SHROOM3: variants seen among roughly 807,000 people sequenced by gnomAD.
SHROOM3 encodes the protein shroom family member 3, also known as protein Shroom3.
A neutral mutation model predicts 138.6 loss-of-function variants in SHROOM3; 47 were observed. The observed-to-expected ratio is 0.34, with a 90% CI of 0.27 to 0.43. The LOEUF is 0.43. SHROOM3 is among the 20% of genes least tolerant of loss of function. The pLI is 1.00. For synonymous variants in SHROOM3, 1,062 were observed against 1,063.3 expected, an observed-to-expected ratio of 1.00 and a Z score of 0.02; for missense variants, 2,491 against 2,596.5, an observed-to-expected ratio of 0.96 and a Z score of 0.88.
At position 76,519,942 on chromosome 4, in the gene SHROOM3, AT is replaced by A. The variant is rs576154728; in HGVS notation, c.169-35664del. On this transcript the variant is annotated intron_variant, in intron 1 of 10. Coordinates refer to ENST00000296043, the MANE Select transcript of SHROOM3 (RefSeq NM_020859.4). ...GTGTTGAGCTTCTTGTGTTTTAATC[AT>A]TTCTTGAAATTCTGCTTGATGCTTT... Among the ~76,000 whole-genome samples the A allele has an allele frequency of 3.7e-4, 57 of 152,224 alleles. 1 individual carries two copies. In the South Asian group the frequency reaches 0.011, roughly 30 times the overall value.
At chr4:76,560,004 T>C (rs1423875888) in intron 2 of SHROOM3, among the ~76,000 whole-genome samples, 1 of 152,026 alleles carries the variant, frequency 6.6e-6, no homozygotes, top group Non-Finnish European at 1.5e-5. Context: ...AAATAATAAG[T>C]GGGTCAGAGA....
intron 1 of SHROOM3, among the ~76,000 whole-genome samples, chr4:76,444,438 A>G (rs1730761239): frequency 2.0e-5 from 3 of 148,158 alleles, no homozygotes; most frequent in African/African-American, 7.4e-5. Context: ...GGCAAGTAAC[A>G]GCCTTCTTGA....
intron 8 of SHROOM3, among the ~76,000 whole-genome samples, 198 bp from the exon 9 acceptor site, chr4:76,759,347 T>C (rs777997651): frequency 4.6e-5 from 7 of 152,204 alleles, no homozygotes; most frequent in Admixed American, 2.0e-4. Context: ...TTTGGTGGTT[T>C]TCCATCCCAA....
chr4:76,692,083 C>T (rs761945908), intron 2 of SHROOM3, among the ~76,000 whole-genome samples: 1 of 152,206 alleles, frequency 6.6e-6, no homozygotes, highest in Non-Finnish European at 1.5e-5. Context: ...TTTCCTCCTG[C>T]AGGATCACTG....
intron 2 of SHROOM3, chr4:76,586,508 A>C (rs10213002): frequency 0.15 from 148,936 of 976,178 alleles, 11,618 homozygotes; most frequent in East Asian, 0.28. Flanking sequence ...CGATGACATT[A>C]TTTCTCCGTC....
intron 1 of SHROOM3, among the ~76,000 whole-genome samples, chr4:76,466,959 T>C (rs541232480): frequency 4.6e-5 from 7 of 152,122 alleles, no homozygotes; most frequent in Non-Finnish European, 1.0e-4. Flanking sequence ...AGGAAACTAA[T>C]ATTTCTTGCA....
intron 2 of SHROOM3, among the ~76,000 whole-genome samples, chr4:76,556,343 G>T (rs1309355869): frequency 2.0e-5 from 3 of 152,194 alleles, no homozygotes; most frequent in Non-Finnish European, 4.4e-5. Context: ...ATGGAAAGGG[G>T]ATGGGAATTG....
chr4:76,470,405 A>G (rs114856406), intron 1 of SHROOM3, among the ~76,000 whole-genome samples: 503 of 152,366 alleles, frequency 3.3e-3, no homozygotes, highest in African/African-American at 0.011. Flanking sequence ...CAAAACTAAA[A>G]TAAAATTAAC....
chr4:76,747,859 G>T (rs902412826), intron 5 of SHROOM3, among the ~76,000 whole-genome samples: 4 of 152,272 alleles, frequency 2.6e-5, no homozygotes, highest in Non-Finnish European at 5.9e-5. Context: ...AAGATTCCAT[G>T]GCAAGACCTT....
intron 3 of SHROOM3, 50 bp downstream of exon 3, chr4:76,710,337 C>T (rs1313137668): frequency 1.9e-6 from 3 of 1,607,698 alleles, no homozygotes; most frequent in Non-Finnish European, 2.5e-6. Flanking sequence ...GAACCCAGTC[C>T]AAAAAGCCAC....
intron 2 of SHROOM3, among the ~76,000 whole-genome samples, chr4:76,590,427 C>T (rs966277310): frequency 3.3e-5 from 5 of 151,818 alleles, no homozygotes; most frequent in East Asian, 1.9e-4. Context: ...CGCAGAGCTC[C>T]GAGCTCAGGC....
intron 1 of SHROOM3, among the ~76,000 whole-genome samples, chr4:76,502,266 C>T (rs1732113736): frequency 6.6e-6 from 1 of 152,154 alleles, no homozygotes; most frequent in African/African-American, 2.4e-5. Context: ...ATAAATTAGG[C>T]AGTTTCAGAT....
At chr4:76,437,517 T>C (rs188245038) in intron 1 of SHROOM3, among the ~76,000 whole-genome samples, 1 of 152,348 alleles carries the variant, frequency 6.6e-6, no homozygotes, top group East Asian at 1.9e-4. Flanking sequence ...ACTCCAGCAT[T>C]GATTGCATCT....
At chr4:76,446,744 C>T (rs182858569) in intron 1 of SHROOM3, among the ~76,000 whole-genome samples, 31 of 152,306 alleles carry the variant, frequency 2.0e-4, no homozygotes, top group African/African-American at 7.5e-4. Flanking sequence ...TGCCTCCCGA[C>T]ATGCTGATGA....
At chr4:76,505,026 A>G (rs1013746581) in intron 1 of SHROOM3, among the ~76,000 whole-genome samples, 2 of 152,210 alleles carry the variant, frequency 1.3e-5, no homozygotes, top group African/African-American at 4.8e-5. Context: ...ACATTTGACT[A>G]TTGGGCTTGA....
chr4:76,747,392 T>C (rs1721475246), intron 5 of SHROOM3, among the ~76,000 whole-genome samples: 1 of 152,190 alleles, frequency 6.6e-6, no homozygotes, highest in African/African-American at 2.4e-5. Context: ...ATTGGGAAGA[T>C]ATTTTCCTTT....
At chr4:76,572,823 G>A (rs1200970221) in intron 2 of SHROOM3, among the ~76,000 whole-genome samples, 1 of 152,174 alleles carries the variant, frequency 6.6e-6, no homozygotes, top group African/African-American at 2.4e-5. Flanking sequence ...GCTCAAGCCT[G>A]TAATCCCAGC....
chr4:76,527,641 A>G (rs762703712), intron 1 of SHROOM3, among the ~76,000 whole-genome samples: 27 of 152,338 alleles, frequency 1.8e-4, no homozygotes, highest in Middle Eastern at 3.4e-3. Flanking sequence ...TTGATTAATT[A>G]AGCACTGCAA....
intron 2 of SHROOM3, among the ~76,000 whole-genome samples, chr4:76,662,072 T>C (rs993908925): frequency 2.0e-5 from 3 of 152,232 alleles, no homozygotes; most frequent in African/African-American, 7.2e-5. Context: ...GCAGCACTTA[T>C]TTATTAGCTC....
Sources: gnomAD v4.1 joint callset for allele counts (sites outside exome capture counted in the v4.1 genomes callset) on GRCh38, gnomAD v4.1.1 for gene constraint, MANE v1.5 for transcripts, NCBI Gene and HGNC (gene_info 2026-07-23, HGNC 2026-07-21) for gene names.